TENM4: variants seen among roughly 807,000 people sequenced by gnomAD.
TENM4 encodes the protein teneurin-4.
A neutral mutation model predicts 243.3 loss-of-function variants in TENM4; 82 were observed. The observed-to-expected ratio is 0.34, with a 90% CI of 0.28 to 0.40. TENM4 has a LOEUF of 0.40. TENM4 is among the 10% of genes least tolerant of loss of function. The pLI is 1.00. For synonymous variants in TENM4, 1,412 were observed against 1,456.3 expected (o/e 0.97, Z 0.69); for missense variants, 3,138 against 3,673.3 (o/e 0.85, Z 3.77).
At chr11:78,990,331 G>A (rs574834265) in intron 6 of TENM4, among the ~76,000 whole-genome samples, 5 of 152,030 alleles carry the variant, frequency 3.3e-5, no homozygotes, top group Admixed American at 1.3e-4. Context: ...GCTTGGGGTC[G>A]CCTGGCTGTG....
At chr11:78,938,998 C>T (rs1304437860) in intron 6 of TENM4, among the ~76,000 whole-genome samples, 3 of 152,198 alleles carry the variant, frequency 2.0e-5, no homozygotes, top group Admixed American at 6.5e-5. Context: ...GGTGGTAACA[C>T]CTTTTCTTGG....
intron 12 of TENM4, among the ~76,000 whole-genome samples, chr11:78,827,440 G>A (rs1459420371): frequency 6.6e-6 from 1 of 151,572 alleles, no homozygotes; most frequent in Non-Finnish European, 1.5e-5. Context: ...CCACTTATCC[G>A]CTTGTCCAAG....
intron 28 of TENM4, among the ~76,000 whole-genome samples, chr11:78,692,785 C>T (rs1426513175): frequency 6.6e-6 from 1 of 152,192 alleles, no homozygotes; most frequent in Non-Finnish European, 1.5e-5. Flanking sequence ...TGCTGGGGTG[C>T]TCATGCTTCC....
intron 2 of TENM4, among the ~76,000 whole-genome samples, chr11:79,220,647 A>G (rs892478898): frequency 1.3e-5 from 2 of 152,172 alleles, no homozygotes; most frequent in African/African-American, 2.4e-5. Flanking sequence ...TTAGAGAAAA[A>G]ATGCTGAAAC....
At chr11:79,249,325 C>T (rs1326231380) in intron 2 of TENM4, among the ~76,000 whole-genome samples, 1 of 152,126 alleles carries the variant, frequency 6.6e-6, no homozygotes, top group Non-Finnish European at 1.5e-5. Context: ...GCACAAAAGC[C>T]GAGATTTGAA....
chr11:78,945,264 C>T (rs1444696295), intron 6 of TENM4, among the ~76,000 whole-genome samples: 2 of 152,190 alleles, frequency 1.3e-5, no homozygotes, highest in Non-Finnish European at 2.9e-5. Flanking sequence ...TTCTGTTTCT[C>T]ATTTTGGTAA....
intron 4 of TENM4, chr11:79,097,948 T>C (rs1386831463): frequency 1.3e-5 from 2 of 152,028 alleles, no homozygotes; most frequent in Admixed American, 6.5e-5. Context: ...AACATGAAAC[T>C]ATACAGATAA....
Position 78,966,624 on chromosome 11 carries a change from T to C in TENM4, c.494-63101A>G, listed in dbSNP as rs1219230905. ...CCAGTGCAAGGAGCTGGGGGGCTCATTTCAACTGGAGGAACTGAGAAACGC... is the reference window on the plus strand; with the variant it reads ...CCAGTGCAAGGAGCTGGGGGGCTCACTTCAACTGGAGGAACTGAGAAACGC... On this transcript the variant is annotated intron_variant, in intron 6 of 33. Coordinates refer to ENST00000278550, the MANE Select transcript of TENM4 (RefSeq NM_001098816.3). Among the ~76,000 whole-genome samples, 5 of 152,224 alleles carry C rather than the reference T, an allele frequency of 3.3e-5. No individual in the cohort carries two copies. In the East Asian group the frequency reaches 9.7e-4, roughly 29 times the overall value.
At position 78,658,396 on chromosome 11, in the gene TENM4, C is replaced by T. The variant is rs749070096; in HGVS notation, c.7972G>A (p.Gly2658Ser). ...ATGTCTGTGTAGCGTCTAGTCCTGC[C>T]ATTAAGTACTGTGTTGATCTGGGAC... is the stretch of plus-strand genomic sequence containing the variant. ...TVSQINTVLN[G>S]RTRRYTDIQL... is the part of the protein sequence containing the mutation. Residue 2658 changes from glycine (G) to serine (S), a missense_variant, in exon 34 of 34, where the codon GGC becomes AGC. Coordinates refer to ENST00000278550, the MANE Select transcript of TENM4 (RefSeq NM_001098816.3). 1.4e-5 allele frequency: 22 copies of T among 1,613,932 alleles called. No individual in the cohort carries two copies. Among genetic ancestry groups the T allele is most frequent in the Non-Finnish European group, 1.9e-5 (22 of 1,179,910 alleles).
chr11:79,361,433 C>T (rs147047840), intron 1 of TENM4, among the ~76,000 whole-genome samples: 27 of 152,306 alleles, frequency 1.8e-4, no homozygotes, highest in African/African-American at 6.3e-4. Context: ...TTCAATGAAT[C>T]CTCATCCATC....
At chr11:78,781,113 T>C (rs1204477757) in intron 16 of TENM4, among the ~76,000 whole-genome samples, 1 of 152,256 alleles carries the variant, frequency 6.6e-6, no homozygotes, top group African/African-American at 2.4e-5. Context: ...CATTTATTTA[T>C]AAAAGGCATA....
intron 16 of TENM4, among the ~76,000 whole-genome samples, chr11:78,783,719 T>C (rs1381991048): frequency 6.6e-6 from 1 of 152,252 alleles, no homozygotes; most frequent in Non-Finnish European, 1.5e-5. Flanking sequence ...AATACTGTCA[T>C]TGAAGAGGAT....
At position 78,676,173 on chromosome 11, in the gene TENM4, A is replaced by C. The variant is rs1858466872; in HGVS notation, c.5475T>G (p.Thr1825=). The change falls in exon 30 of 34, where the codon ACT becomes ACG. Residue 1825 remains threonine, a synonymous_variant. Transcript: ENST00000278550. Reference sequence around the variant, plus strand: ...TCACCCGCAGCCGGCGCCCAAAGACAGTGACCTGGCCCCGAGCCTGCTCTT... The same window carrying C: ...TCACCCGCAGCCGGCGCCCAAAGACCGTGACCTGGCCCCGAGCCTGCTCTT... ...QRKEQARGQV[T]VFGRRLRVHN... is the part of the protein sequence containing the mutation. 1 of 1,531,842 alleles carries C rather than the reference A, an allele frequency of 6.5e-7. No individual in the cohort carries two copies. The highest frequency in any genetic ancestry group is 1.2e-5 in the South Asian group (1 of 83,342). The allele number at this position is 1,531,842 out of a possible 1,614,324, so 94.9% of individuals were successfully genotyped here.
At chr11:79,158,953 C>A (rs1225677600) in intron 3 of TENM4, among the ~76,000 whole-genome samples, 1 of 152,176 alleles carries the variant, frequency 6.6e-6, no homozygotes, top group South Asian at 2.1e-4. Context: ...ATATGGTAGA[C>A]ATGGTCAGTG....
chr11:78,864,366 G>A (rs959354126), intron 9 of TENM4, among the ~76,000 whole-genome samples: 16 of 143,976 alleles, frequency 1.1e-4, no homozygotes, highest in South Asian at 2.2e-4. Flanking sequence ...CCTGGGAGGC[G>A]GAGCTTGCAG....
chr11:79,063,685 G>C (rs1431434504), intron 6 of TENM4, among the ~76,000 whole-genome samples: 1 of 152,198 alleles, frequency 6.6e-6, no homozygotes, highest in Non-Finnish European at 1.5e-5. Context: ...GACCACGTTC[G>C]ACTCAGAGCC....
chr11:79,330,831 A>T (rs1857050076), intron 1 of TENM4, among the ~76,000 whole-genome samples: 1 of 152,196 alleles, frequency 6.6e-6, no homozygotes, highest in Non-Finnish European at 1.5e-5. Flanking sequence ...GTCAGATGAC[A>T]TTCTCAGCGC....
intron 6 of TENM4, among the ~76,000 whole-genome samples, chr11:79,002,819 A>G (rs1443862294): frequency 6.6e-6 from 1 of 152,210 alleles, no homozygotes; most frequent in Non-Finnish European, 1.5e-5. Flanking sequence ...CCAAAACTAA[A>G]GAAACAGAAT....
At chr11:78,931,969 C>T (rs1387979206) in intron 6 of TENM4, among the ~76,000 whole-genome samples, 4 of 152,110 alleles carry the variant, frequency 2.6e-5, no homozygotes, top group Non-Finnish European at 4.4e-5. Flanking sequence ...CTCCAGCCTG[C>T]GCCACAGAGC....
Sources: allele counts gnomAD v4.1 joint callset (sites outside exome capture counted in the v4.1 genomes callset), GRCh38; gene constraint gnomAD v4.1.1; transcripts MANE v1.5; gene names NCBI Gene and HGNC (gene_info 2026-07-23, HGNC 2026-07-21).